The following PALS1 variants were observed in gnomAD, a reference collection of about 807,000 sequenced individuals.
PALS1 encodes protein PALS1.
A neutral mutation model predicts 78.9 loss-of-function variants in PALS1; 31 were observed. The ratio of observed to expected loss-of-function variants is 0.39; its 90% CI spans 0.30 to 0.53. The LOEUF is 0.53. Ranked by LOEUF, PALS1 falls within the 20% of genes least tolerant of loss-of-function variation. The pLI is 0.67. For synonymous variants in PALS1, 276 were observed against 270.9 expected, an observed-to-expected ratio of 1.02 and a Z score of -0.18; for missense variants, 704 against 826.5, an observed-to-expected ratio of 0.85 and a Z score of 1.82.
At chr14:67,274,919 T>C (rs1207423689) in intron 2 of PALS1, among the ~76,000 whole-genome samples, 1 of 152,074 alleles carries the variant, frequency 6.6e-6, no homozygotes, top group East Asian at 1.9e-4. Context: ...TTTGGCTCTC[T>C]ATTTGTCTGT....
rs1012614565 is a variant in PALS1, at chr14:67,246,638, G to A, written c.-237+5105G>A. 6.3e-4 allele frequency among the ~76,000 whole-genome samples: 91 copies of A among 145,558 alleles called. 1 individual carries two copies. The highest frequency in any genetic ancestry group is 1.2e-3 in the Non-Finnish European group (81 of 66,914). On this transcript the variant is annotated intron_variant, in intron 1 of 14. Transcript: ENST00000261681. ...TTACAGGTGTTAGCCACTGAGCCTG[G>A]CCTACTATAGGTTTTTTTTTTTTTT...
intron 1 of PALS1, among the ~76,000 whole-genome samples, chr14:67,249,841 T>C (rs2084041253): frequency 6.6e-6 from 1 of 152,240 alleles, no homozygotes; most frequent in Non-Finnish European, 1.5e-5. Context: ...TTGTGTGTTT[T>C]AGAAGTGCCT....
chr14:67,271,909 A>G (rs1465757465), intron 2 of PALS1: 1 of 152,124 alleles, frequency 6.6e-6, no homozygotes, highest in African/African-American at 2.4e-5. Flanking sequence ...CGTCTCTACT[A>G]AAAATACAAA....
rs1462341474 is a variant in PALS1, at chr14:67,332,899, GTTAA to G, written c.1976_1979del (p.Ile659ThrfsTer15). ...ATAAAGCCTATCAGGAATTGCTTAG[GTTAA>G]TTAACAAACTTGATACTGAACCTCA... On this transcript the variant is annotated frameshift_variant, in exon 15 of 15. Coordinates refer to ENST00000261681, the MANE Select transcript of PALS1 (RefSeq NM_022474.4). LOFTEE classifies it high-confidence loss of function. The G allele has an allele frequency of 1.2e-6, 2 of 1,613,998 alleles. No homozygotes were observed. Among genetic ancestry groups the G allele is most frequent in the Non-Finnish European group, 1.7e-6 (2 of 1,179,926 alleles).
chr14:67,279,455 A>G lies in PALS1; in HGVS notation c.285A>G (p.Pro95=), dbSNP rs2084568920. 1.2e-6 allele frequency: 2 copies of G among 1,612,996 alleles called. No homozygotes were observed. Among genetic ancestry groups the G allele is most frequent in the African/African-American group, 2.7e-5 (2 of 74,976 alleles). Residue 95 remains proline (P), a synonymous_variant, in exon 3 of 15, where the codon CCA becomes CCG. Transcript: ENST00000261681. ...MRLKKLAQIP[P]KTGIDNPMFD... is the part of the protein sequence containing the mutation. Reference sequence around the variant, plus strand: ...TTAAGAAACTAGCCCAAATTCCTCCAAAGACCGGAATAGATAACCCTATGT... The same window carrying G: ...TTAAGAAACTAGCCCAAATTCCTCCGAAGACCGGAATAGATAACCCTATGT...
At chr14:67,247,058 T>C (rs72717359) in intron 1 of PALS1, among the ~76,000 whole-genome samples, 3,650 of 152,330 alleles carry the variant, frequency 0.024, 70 homozygotes, top group Non-Finnish European at 0.036. Context: ...CTGTATGATA[T>C]TTAGAATCAT....
intron 8 of PALS1, among the ~76,000 whole-genome samples, chr14:67,304,298 A>T (rs1236780877): frequency 6.6e-6 from 1 of 152,210 alleles, no homozygotes; most frequent in East Asian, 1.9e-4. Flanking sequence ...TCCAAAGTAT[A>T]TATCCAAAAG....
chr14:67,318,823 C>T (rs545578927), intron 11 of PALS1, among the ~76,000 whole-genome samples: 1 of 152,000 alleles, frequency 6.6e-6, no homozygotes, highest in African/African-American at 2.4e-5. Context: ...TTTGGGAGGC[C>T]GAGGCAGGCG....
chr14:67,279,594 A>G (rs762365709), intron 3 of PALS1, 57 bp downstream of exon 3: 7 of 1,440,886 alleles, frequency 4.9e-6, no homozygotes, highest in African/African-American at 1.4e-5. Flanking sequence ...TCTGTGCCTT[A>G]TAATGTATAT....
intron 1 of PALS1, among the ~76,000 whole-genome samples, chr14:67,245,029 A>T (rs2083967234): frequency 6.6e-6 from 1 of 152,236 alleles, no homozygotes; most frequent in African/African-American, 2.4e-5. Flanking sequence ...GGAGGAGAGC[A>T]GGCCACAAAC....
chr14:67,303,675 A>G, intron 8 of PALS1, 76 bp downstream of exon 8: 1 of 998,552 alleles, frequency 1.0e-6, no homozygotes, highest in Middle Eastern at 2.3e-4. Flanking sequence ...ACTGTTACAG[A>G]AATGTCACTG....
In PALS1 at chr14:67,279,365, C is replaced by A. The variant is rs1333375731; in HGVS notation, c.195C>A (p.Asp65Glu). 1.2e-6 allele frequency: 2 copies of A among 1,613,628 alleles called. No individual in the cohort carries two copies. The highest frequency in any genetic ancestry group is 2.7e-5 in the African/African-American group (2 of 74,798). The change falls in exon 3 of 15, where the codon GAC becomes GAA. Residue 65 changes from aspartate to glutamate, a missense_variant. Transcript: ENST00000261681. ...QLERIRQQQE[D>E]MRRRREEEGK... The stretch of plus-strand genomic sequence containing the variant: ...AGCGTATTCGGCAACAACAGGAGGA[C>A]ATGAGGCGTAGGAGAGAGGAAGAAG...
At chr14:67,301,336 C>T (rs1329525518) in intron 4 of PALS1, 53 bp from the exon 5 acceptor site, 2 of 1,165,686 alleles carry the variant, frequency 1.7e-6, no homozygotes, top group Non-Finnish European at 1.3e-6. Flanking sequence ...CATACAGGTG[C>T]TACTGATACT....
chr14:67,242,924 G>A (rs980949237), intron 1 of PALS1, among the ~76,000 whole-genome samples: 3 of 152,118 alleles, frequency 2.0e-5, no homozygotes. Flanking sequence ...ACTTGAGGGT[G>A]ACCCAAGTCA....
rs775389049 is a variant in PALS1 at position 67,320,304 on chromosome 14, A to G, written c.1444A>G (p.Ile482Val). ...YHQPANRKRP[I>V]ILIGPQNCGQ... ...TCAGCCAGCAAATAGGAAGAGACCT[A>G]TCATCTTGATTGGTCCACAGAACTG... The change falls in exon 12 of 15, where the codon ATC becomes GTC. Residue 482 changes from isoleucine to valine, a missense_variant. Physicochemically the swap from Ile to Val is conservative, Grantham distance 29. Transcript: ENST00000261681. 6 of 1,613,898 alleles carry G rather than the reference A, an allele frequency of 3.7e-6. No individual in the cohort carries two copies. The highest frequency in any genetic ancestry group is 4.5e-5 in the East Asian group (2 of 44,864).
chr14:67,262,377 A>G (rs2084252322), intron 1 of PALS1, among the ~76,000 whole-genome samples: 2 of 152,172 alleles, frequency 1.3e-5, no homozygotes, highest in Non-Finnish European at 2.9e-5. Context: ...CCTCGAATCC[A>G]GAGACCTTAT....
intron 1 of PALS1, among the ~76,000 whole-genome samples, chr14:67,261,196 A>G (rs928013620): frequency 6.6e-6 from 1 of 152,174 alleles, no homozygotes; most frequent in Non-Finnish European, 1.5e-5. Flanking sequence ...GAAAAGGGAC[A>G]CTGTTGTGGT....
intron 8 of PALS1, among the ~76,000 whole-genome samples, chr14:67,308,060 A>T (rs564539930): frequency 6.6e-6 from 1 of 152,220 alleles, no homozygotes; most frequent in Admixed American, 6.5e-5. Flanking sequence ...GGGGAACAAC[A>T]CACACTAGGG....
Position 67,279,045 on chromosome 14 carries a change from C to T in PALS1, c.-126C>T. 1 of 849,516 alleles carries T rather than the reference C, an allele frequency of 1.2e-6. No homozygotes were observed. The highest frequency in any genetic ancestry group is 1.7e-6 in the Non-Finnish European group (1 of 594,202). 52.6% of individuals were successfully genotyped at this position (849,516 alleles called of 1,614,324 possible). ...TTCCTTCATGGATACTTTTTCATAG[C>T]ATTATTATGTGATGTGAGAAGTTTT... is the stretch of plus-strand genomic sequence containing the variant. On this transcript the variant is annotated 5_prime_UTR_variant, in exon 3 of 15. Transcript: ENST00000261681.
Sources: allele counts gnomAD v4.1 joint callset (sites outside exome capture counted in the v4.1 genomes callset), GRCh38; gene constraint gnomAD v4.1.1; transcripts MANE v1.5; gene names NCBI Gene and HGNC (gene_info 2026-07-23, HGNC 2026-07-21).